Variants in PARG observed in about 807,000 individuals in gnomAD.
PARG encodes the protein poly(ADP-ribose) glycohydrolase, also known as mitochondrial poly(ADP-ribose) glycohydrolase.
A neutral mutation model predicts 113.0 loss-of-function variants in PARG; 35 were observed. The observed-to-expected ratio is 0.31, with a 90% CI of 0.24 to 0.41. The LOEUF (loss-of-function observed/expected upper bound fraction) is 0.41, where lower values mean the gene tolerates loss of function less well. Ranked by LOEUF, PARG falls within the 10% of genes least tolerant of loss-of-function variation. The pLI is 1.00. For missense variants in PARG, 797 were observed against 1,169.4 expected (o/e 0.68, Z 4.64); for synonymous variants, 330 against 409.9 (o/e 0.81, Z 2.36).
chr10:49,833,071 G>A (rs2132402987), intron 15 of PARG, 163 bp from the exon 16 acceptor site: 1 of 449,228 alleles, frequency 2.2e-6, no homozygotes, highest in South Asian at 5.3e-5. Flanking sequence ...GGGAGAAAGG[G>A]AGAGAAAAAC....
intron 16 of PARG, among the ~76,000 whole-genome samples, chr10:49,828,214 A>T (rs1206399411): frequency 6.9e-6 from 1 of 145,300 alleles, no homozygotes; most frequent in Non-Finnish European, 1.5e-5. Context: ...TGAGTTTTTG[A>T]GGCAACCAAA....
chr10:49,832,851 T>C lies in PARG; in HGVS notation c.2599A>G (p.Thr867Ala). The C allele has an allele frequency of 1.9e-6, 3 of 1,550,830 alleles. No homozygotes were observed. Among genetic ancestry groups the C allele is most frequent in the Non-Finnish European group, 2.6e-6 (3 of 1,146,254 alleles). Reference sequence around the variant, plus strand: ...AAGGCACCACAGCCCCAGTTTCCTGTGGCCACTGCAGAAAGATTCTCTGAA... The same window carrying C: ...AAGGCACCACAGCCCCAGTTTCCTGCGGCCACTGCAGAAAGATTCTCTGAA... ...VSSENLSAVA[T>A]GNWGCGAFGG... is the part of the protein sequence containing the mutation. The change falls in exon 16 of 18, where the codon ACA (threonine) becomes GCA (alanine). Residue 867 changes from threonine to alanine, a missense_variant. Thr to Ala is a moderately conservative substitution (Grantham distance 58). Transcript: ENST00000616448.
At chr10:49,921,699 T>A (rs533002360) in intron 6 of PARG, among the ~76,000 whole-genome samples, 1 of 151,878 alleles carries the variant, frequency 6.6e-6, no homozygotes, top group South Asian at 2.1e-4. Flanking sequence ...CTGTTTATAT[T>A]TATAAAAACA....
chr10:49,843,963 G>A (rs1588888023), intron 13 of PARG, among the ~76,000 whole-genome samples: 1 of 151,786 alleles, frequency 6.6e-6, no homozygotes, highest in East Asian at 2.0e-4. Flanking sequence ...TGGCCAACAT[G>A]GTGAAACCCC....
At chr10:49,877,044 T>C (rs1261222672) in intron 9 of PARG, among the ~76,000 whole-genome samples, 1 of 149,658 alleles carries the variant, frequency 6.7e-6, no homozygotes, top group Non-Finnish European at 1.5e-5. Context: ...GTGTTGATAG[T>C]AGAGGGTAAC....
chr10:49,927,354 GA>G (rs1838235592), intron 4 of PARG, among the ~76,000 whole-genome samples: 1 of 106,474 alleles, frequency 9.4e-6, no homozygotes, highest in Admixed American at 1.2e-4. Context: ...AGGAAGGAAA[GA>G]AAGAAGGAAA....
At chr10:49,902,109 T>C in intron 7 of PARG, among the ~76,000 whole-genome samples, 1 of 152,226 alleles carries the variant, frequency 6.6e-6, no homozygotes, top group South Asian at 2.1e-4. Flanking sequence ...CTTGATACCC[T>C]ACTCTAATGA....
rs1266394893 is a variant in PARG at position 49,826,651 on chromosome 10, G to A, written c.2647+6152C>T. ...GAAACATTTCACTTAATATACATATGTCATGGAAATAAATTAGAAATCCTT... is the reference window on the plus strand; with the variant it reads ...GAAACATTTCACTTAATATACATATATCATGGAAATAAATTAGAAATCCTT... On this transcript the variant is annotated intron_variant, in intron 16 of 17. Transcript: ENST00000616448. Among the ~76,000 whole-genome samples, 5 of 152,174 alleles carry A rather than the reference G, an allele frequency of 3.3e-5. No homozygotes were observed. In the East Asian group the frequency reaches 7.7e-4, roughly 23 times the overall value.
chr10:49,931,937 G>A (rs1290992471), intron 4 of PARG, among the ~76,000 whole-genome samples, 163 bp downstream of exon 4: 69 of 152,154 alleles, frequency 4.5e-4, no homozygotes, highest in Non-Finnish European at 5.9e-5. Flanking sequence ...TCTATACTAA[G>A]TAAGTTATCA....
At position 49,933,931 on chromosome 10, in the gene PARG, G is replaced by C; in HGVS notation, c.517C>G (p.Gln173Glu). 1 of 1,604,546 alleles carries C rather than the reference G, an allele frequency of 6.2e-7. No individual in the cohort carries two copies. The highest frequency in any genetic ancestry group is 2.2e-5 in the East Asian group (1 of 44,848). Residue 173 changes from glutamine to glutamate, a missense_variant, in exon 3 of 18, where the codon CAA (glutamine) becomes GAA (glutamate). Coordinates refer to ENST00000616448, the MANE Select transcript of PARG (RefSeq NM_003631.5). ...HTEQLLESEP[Q>E]TVTLVPEQFS... is the part of the protein sequence containing the mutation. ...TGCTCTGGTACCAGGGTTACTGTTT[G>C]AGGTTCACTTTCCAAAAGCTGCTCC...
At chr10:49,883,392 G>A (rs1847306420) in intron 8 of PARG, among the ~76,000 whole-genome samples, 1 of 150,106 alleles carries the variant, frequency 6.7e-6, no homozygotes, top group Non-Finnish European at 1.5e-5. Flanking sequence ...AGAAATAAAA[G>A]ACAAAGGCAA....
rs1374682245 is a variant in PARG at position 49,848,380 on chromosome 10, C to T, written c.2354-4748G>A. On this transcript the variant is annotated intron_variant, in intron 13 of 17. Coordinates refer to ENST00000616448, the MANE Select transcript of PARG (RefSeq NM_003631.5). ...ACAGAAAAACACACAATAAAAACCA[C>T]ATAATATAAATAAAGCTATGAAAAT... Among the ~76,000 whole-genome samples, 4 of 143,422 alleles carry T rather than the reference C, an allele frequency of 2.8e-5. No homozygotes were observed. The South Asian group carries it at 9.3e-4, about 33-fold the overall frequency. 94.1% of individuals were successfully genotyped at this position (143,422 alleles called of 152,430 possible). A position where few individuals can be genotyped will look rare whatever the true frequency, so the allele number is the denominator to read the frequency against.
intron 15 of PARG, among the ~76,000 whole-genome samples, chr10:49,837,397 T>C (rs7089976): frequency 0.022 from 3,268 of 148,050 alleles, 115 homozygotes; most frequent in African/African-American, 0.074. Flanking sequence ...CATGCATATA[T>C]ACACACACAC....
chr10:49,919,807 G>C (rs1395938972), intron 6 of PARG, among the ~76,000 whole-genome samples: 1 of 152,140 alleles, frequency 6.6e-6, no homozygotes, highest in African/African-American at 2.4e-5. Context: ...CTTGAGCCAG[G>C]GAGGTGTAGG....
At chr10:49,920,461 AAAATATATATATATAT>A (rs1437839524) in intron 6 of PARG, among the ~76,000 whole-genome samples, 1 of 48,336 alleles carries the variant, frequency 2.1e-5, no homozygotes, top group Non-Finnish European at 4.3e-5. Flanking sequence ...TAAAAAAAAA[AAAATATATATATATAT>A]ATATATATAT....
chr10:49,824,561 C>T (rs1242123938), intron 16 of PARG, among the ~76,000 whole-genome samples: 2 of 151,956 alleles, frequency 1.3e-5, no homozygotes, highest in Admixed American at 6.6e-5. Flanking sequence ...ACATGAAAAG[C>T]AATTCATAGT....
chr10:49,838,787 G>A (rs1371651450), intron 15 of PARG, among the ~76,000 whole-genome samples: 1 of 152,012 alleles, frequency 6.6e-6, no homozygotes, highest in African/African-American at 2.4e-5. Flanking sequence ...AGACTTTATT[G>A]CATATTGACA....
chr10:49,934,263 G>T (rs1838635614), intron 2 of PARG, 100 bp from the exon 3 acceptor site: 1 of 645,478 alleles, frequency 1.5e-6, no homozygotes, highest in Non-Finnish European at 2.8e-6. Context: ...ACTCCCTGTG[G>T]TCAGCTGAGC....
chr10:49,905,639 C>T (rs1245788729), intron 7 of PARG, among the ~76,000 whole-genome samples: 1 of 152,214 alleles, frequency 6.6e-6, no homozygotes, highest in East Asian at 1.9e-4. Context: ...GGATATAATA[C>T]GCAGTACATT....
Sources: allele counts gnomAD v4.1 joint callset (sites outside exome capture counted in the v4.1 genomes callset), GRCh38; gene constraint gnomAD v4.1.1; transcripts MANE v1.5; gene names NCBI Gene and HGNC (gene_info 2026-07-23, HGNC 2026-07-21).